ZNF540: variants seen among roughly 807,000 people sequenced by gnomAD.
The protein encoded by ZNF540 is zinc finger protein 540, also known as CTD-3064H18.6.
In ZNF540, 3 loss-of-function variants were observed where a neutral mutation model predicts 11.8. The ratio of observed to expected loss-of-function variants is 0.25; its 90% CI spans 0.12 to 0.65. ZNF540 has a LOEUF of 0.65. Ranked by LOEUF, ZNF540 falls within the 30% of genes least tolerant of loss-of-function variation. The probability of loss-of-function intolerance (pLI) is 0.83; values close to 1 mark genes in which losing one functional copy is unlikely to be tolerated. For synonymous variants in ZNF540, 247 were observed against 259.0 expected (o/e 0.95, Z 0.45); for missense variants, 709 against 793.1 (o/e 0.89, Z 1.27).
intron 1 of ZNF540, chr19:37,564,623 G>C (rs753433825): frequency 6.4e-7 from 1 of 1,550,794 alleles, no homozygotes; most frequent in South Asian, 1.3e-5. Flanking sequence ...TGTATGTTGA[G>C]TAAGTTGTGA....
intron 3 of ZNF540, among the ~76,000 whole-genome samples, chr19:37,600,101 T>C (rs1391165453): frequency 1.3e-5 from 2 of 152,212 alleles, no homozygotes; most frequent in African/African-American, 4.8e-5. Context: ...TGCTCTGTTA[T>C]TTGGTAACAT....
chr19:37,610,289 T>C (rs897053889), intron 4 of ZNF540, among the ~76,000 whole-genome samples: 3 of 152,206 alleles, frequency 2.0e-5, no homozygotes, highest in African/African-American at 7.2e-5. Context: ...TATTGTACAG[T>C]CAGTTGTTTA....
intron 1 of ZNF540, among the ~76,000 whole-genome samples, chr19:37,571,583 C>G (rs2043053513): frequency 1.3e-5 from 2 of 152,152 alleles, no homozygotes; most frequent in African/African-American, 4.8e-5. Flanking sequence ...ACTTATGATA[C>G]TTAGACTTAA....
chr19:37,580,591 T>C (rs1216034970), intron 1 of ZNF540, among the ~76,000 whole-genome samples: 1 of 152,180 alleles, frequency 6.6e-6, no homozygotes, highest in Non-Finnish European at 1.5e-5. Flanking sequence ...GGATGGGGTT[T>C]AGTGGGAGGT....
In ZNF540 at chr19:37,611,300, T is replaced by A. The variant is rs2044126432; in HGVS notation, c.233-213T>A. The A allele has an allele frequency of 8.5e-6, 3 of 353,822 alleles. No individual in the cohort carries two copies. In the Admixed American group the frequency reaches 1.4e-4, roughly 16 times the overall value. The allele number at this position is 353,822 out of a possible 1,614,324, so 21.9% of individuals were successfully genotyped here. A position where few individuals can be genotyped will look rare whatever the true frequency, so the allele number is the denominator to read the frequency against. On this transcript the variant is annotated intron_variant, in intron 4 of 4. Transcript: ENST00000316433. ...CCTTGGCCTTCCAAAGTGCTGAGAT[T>A]ACAGGCATGAGCCACCGCGCCCGGC...
At chr19:37,595,467 C>T (rs542181090) in intron 1 of ZNF540, 1 of 152,246 alleles carries the variant, frequency 6.6e-6, no homozygotes, top group South Asian at 2.1e-4. Flanking sequence ...TTTGCATGGT[C>T]ATGAATTTAA....
At chr19:37,597,083 T>C (rs2044002182) in intron 1 of ZNF540, among the ~76,000 whole-genome samples, 1 of 152,178 alleles carries the variant, frequency 6.6e-6, no homozygotes, top group Non-Finnish European at 1.5e-5. Flanking sequence ...TTTCTGATGT[T>C]GAAGTGGAGA....
chr19:37,583,818 G>A, intron 1 of ZNF540: 2 of 702,974 alleles, frequency 2.8e-6, no homozygotes, highest in Non-Finnish European at 4.7e-6. Context: ...ACAGTCTAAA[G>A]GATAAGAGAT....
In ZNF540 at chr19:37,572,928, T is replaced by C. The variant is rs551553243; in HGVS notation, c.-73+21263T>C. 6.6e-5 allele frequency among the ~76,000 whole-genome samples: 10 copies of C among 152,334 alleles called. No homozygotes were observed. In the East Asian group the frequency reaches 1.9e-3, roughly 29 times the overall value. Reference sequence around the variant, plus strand: ...ATTTCAAACTGACATTGAATGACTTTCAAACTTTAAAACTGACACTCAGCT... The same window carrying C: ...ATTTCAAACTGACATTGAATGACTTCCAAACTTTAAAACTGACACTCAGCT... On this transcript the variant is annotated intron_variant, in intron 1 of 4. Transcript: ENST00000592533.
chr19:37,586,256 C>T (rs896931237), intron 1 of ZNF540: 1 of 160,298 alleles, frequency 6.2e-6, no homozygotes, highest in African/African-American at 2.4e-5. Context: ...AGACTAGGAA[C>T]ATCCAACAAA....
intron 4 of ZNF540, among the ~76,000 whole-genome samples, chr19:37,606,845 G>A (rs902926640): frequency 3.9e-5 from 6 of 152,076 alleles, no homozygotes; most frequent in African/African-American, 1.4e-4. Context: ...TACATGGCAT[G>A]TCTTTTCATT....
chr19:37,584,733 C>T (rs1019673036), intron 1 of ZNF540, among the ~76,000 whole-genome samples: 1 of 151,912 alleles, frequency 6.6e-6, no homozygotes, highest in Non-Finnish European at 1.5e-5. Context: ...GAGGCCGAGG[C>T]GGGCGGATCA....
At chr19:37,599,850 T>C in intron 3 of ZNF540, 98 bp downstream of exon 3, 1 of 1,342,224 alleles carries the variant, frequency 7.5e-7, no homozygotes, top group Non-Finnish European at 1.0e-6. Context: ...ACTAGCTGAA[T>C]TTCTTCTCTC....
intron 1 of ZNF540, among the ~76,000 whole-genome samples, chr19:37,570,676 CT>C (rs1306785797): frequency 2.0e-5 from 3 of 152,186 alleles, no homozygotes; most frequent in Non-Finnish European, 2.9e-5. Context: ...CTGATTGGCT[CT>C]TTACCCCTAC....
intron 1 of ZNF540, among the ~76,000 whole-genome samples, chr19:37,588,334 G>C (rs1029977792): frequency 1.3e-5 from 2 of 152,072 alleles, no homozygotes; most frequent in Admixed American, 6.6e-5. Flanking sequence ...AAAGAGAACA[G>C]AGATTTCAAA....
intron 1 of ZNF540, chr19:37,583,804 T>C: frequency 1.7e-6 from 1 of 599,526 alleles, no homozygotes. Context: ...CAGAGAAAGA[T>C]GTGACAGTCT....
At chr19:37,564,257 A>C in intron 1 of ZNF540, 1 of 169,472 alleles carries the variant, frequency 5.9e-6, no homozygotes, top group Non-Finnish European at 1.2e-5. Flanking sequence ...ATCAGATGCT[A>C]TCGAAAGGGA....
At chr19:37,580,356 C>T (rs552528965) in intron 1 of ZNF540, among the ~76,000 whole-genome samples, 2 of 152,308 alleles carry the variant, frequency 1.3e-5, no homozygotes, top group East Asian at 3.9e-4. Flanking sequence ...TTCACTGATT[C>T]CCATATTTTC....
chr19:37,588,953 ACTT>A (rs1217633946), intron 1 of ZNF540, among the ~76,000 whole-genome samples: 1 of 152,170 alleles, frequency 6.6e-6, no homozygotes, highest in African/African-American at 2.4e-5. Flanking sequence ...TAATCCCAGC[ACTT>A]TGGGAGGCTG....
Sources: allele counts gnomAD v4.1 joint callset (sites outside exome capture counted in the v4.1 genomes callset), GRCh38; gene constraint gnomAD v4.1.1; transcripts MANE v1.5; gene names NCBI Gene and HGNC (gene_info 2026-07-23, HGNC 2026-07-21).